STOX2: variants seen among roughly 807,000 people sequenced by gnomAD.
The protein encoded by STOX2 is storkhead box 2.
A neutral mutation model predicts 60.9 loss-of-function variants in STOX2; 28 were observed. That is an observed-to-expected ratio of 0.46 (90% CI 0.34 to 0.63). The LOEUF (loss-of-function observed/expected upper bound fraction) is 0.63, where lower values mean the gene tolerates loss of function less well. Ranked by LOEUF, STOX2 falls within the 30% of genes least tolerant of loss-of-function variation. The probability of loss-of-function intolerance (pLI) is 0.01; values close to 1 mark genes in which losing one functional copy is unlikely to be tolerated. For synonymous variants in STOX2, 472 were observed against 463.9 expected (o/e 1.02, Z -0.22); for missense variants, 1,024 against 1,187.7 (o/e 0.86, Z 2.03).
At chr4:183,894,627 G>A (rs113002493) in intron 1 of STOX2, among the ~76,000 whole-genome samples, 1 of 151,820 alleles carries the variant, frequency 6.6e-6, no homozygotes, top group African/African-American at 2.4e-5. Flanking sequence ...TTTGATATAT[G>A]ATTTTAATTG....
intron 1 of STOX2, among the ~76,000 whole-genome samples, chr4:183,817,834 T>C (rs911607156): frequency 6.6e-6 from 1 of 152,200 alleles, no homozygotes; most frequent in African/African-American, 2.4e-5. Flanking sequence ...GTGCCAGATA[T>C]ACTTTACAGA....
chr4:184,000,876 G>T lies in STOX2; in HGVS notation c.167-449G>T, dbSNP rs1465453163. ...AGGGCAGAGATGTTTGGGGAGAGGCGCGCACTCTGTCTCTGCAGCTCCCGT... is the reference window on the plus strand; with the variant it reads ...AGGGCAGAGATGTTTGGGGAGAGGCTCGCACTCTGTCTCTGCAGCTCCCGT... On this transcript the variant is annotated intron_variant, in intron 1 of 3. Coordinates refer to ENST00000308497, the MANE Select transcript of STOX2 (RefSeq NM_020225.3). Among the ~76,000 whole-genome samples, 2 of 152,202 alleles carry T rather than the reference G, an allele frequency of 1.3e-5. 1 individual carries two copies. Among genetic ancestry groups the T allele is most frequent in the East Asian group, 3.8e-4 (2 of 5,196 alleles).
chr4:183,995,289 G>GTTTTTTT (rs1467692938), intron 1 of STOX2, among the ~76,000 whole-genome samples: 1 of 75,984 alleles, frequency 1.3e-5, no homozygotes, highest in African/African-American at 6.1e-5. Flanking sequence ...CTTTATTTTA[G>GTTTTTTT]TCTTTTTTTT....
chr4:183,800,560 T>C (rs755601123), intron 1 of STOX2, among the ~76,000 whole-genome samples: 1 of 152,246 alleles, frequency 6.6e-6, no homozygotes, highest in Non-Finnish European at 1.5e-5. Context: ...CATTATTTCA[T>C]GCATATGAAA....
At chr4:183,839,055 A>G (rs1739785989) in intron 1 of STOX2, among the ~76,000 whole-genome samples, 1 of 152,036 alleles carries the variant, frequency 6.6e-6, no homozygotes. Flanking sequence ...ACATGCACAC[A>G]CACACACACA....
intron 1 of STOX2, among the ~76,000 whole-genome samples, chr4:183,917,063 C>A (rs558601655): frequency 6.6e-6 from 1 of 152,212 alleles, no homozygotes; most frequent in African/African-American, 2.4e-5. Flanking sequence ...TCGGGTCTGA[C>A]GTGGCTTTGT....
intron 1 of STOX2, among the ~76,000 whole-genome samples, chr4:183,823,685 C>T (rs546519610): frequency 1.3e-5 from 2 of 152,254 alleles, no homozygotes; most frequent in African/African-American, 4.8e-5. Context: ...GACACCAGTG[C>T]CTAAAGGGCT....
Position 184,011,098 on chromosome 4 carries a change from A to G in STOX2, c.2260A>G (p.Met754Val), listed in dbSNP as rs1162883698. The change falls in exon 3 of 4, where the codon ATG (methionine) becomes GTG (valine). Residue 754 changes from methionine to valine, a missense_variant. Physicochemically the swap from Met to Val is conservative, Grantham distance 21 (BLOSUM62 1). This residue lies in a region of STOX2 where 922 missense variants were observed against 1,058.3 expected (regional missense o/e 0.87). Coordinates refer to ENST00000308497, the MANE Select transcript of STOX2 (RefSeq NM_020225.3). The surrounding 1 kb of genome is among the most constrained non-coding windows in gnomAD (Gnocchi z 4.4). ...CCTGGGGACCTCGGCGGCACAAGCCATGCCTGCTTCCCAGCGTCAGCAGGA... is the reference window on the plus strand; with the variant it reads ...CCTGGGGACCTCGGCGGCACAAGCCGTGCCTGCTTCCCAGCGTCAGCAGGA... ...PSLGTSAAQA[M>V]PASQRQQESG... 3.1e-6 allele frequency: 5 copies of G among 1,594,842 alleles called. No individual in the cohort carries two copies. Among genetic ancestry groups the G allele is most frequent in the Non-Finnish European group, 4.3e-6 (5 of 1,171,640 alleles).
rs548990819 is a variant in STOX2, at chr4:183,921,115, T to G, written c.166+14159T>G. Reference sequence around the variant, plus strand: ...GTTGTTGTAAGAGTTAGACCGAACATTATTCTGAGGATAGCAGGAGGCTAG... The same window carrying G: ...GTTGTTGTAAGAGTTAGACCGAACAGTATTCTGAGGATAGCAGGAGGCTAG... On this transcript the variant is annotated intron_variant, in intron 1 of 3. Transcript: ENST00000308497. Among the ~76,000 whole-genome samples the G allele has an allele frequency of 3.9e-5, 6 of 152,298 alleles. No homozygotes were observed. In the South Asian group the frequency reaches 1.0e-3, roughly 26 times the overall value.
At chr4:183,950,683 G>T (rs919963913) in intron 1 of STOX2, among the ~76,000 whole-genome samples, 1 of 50 alleles carries the variant, frequency 0.02, no homozygotes, top group Non-Finnish European at 0.033. Context: ...TGAGGCCGGG[G>T]AGCCACAGAA....
chr4:183,955,377 T>A (rs1365415199), intron 1 of STOX2, among the ~76,000 whole-genome samples: 1 of 152,238 alleles, frequency 6.6e-6, no homozygotes, highest in Non-Finnish European at 1.5e-5. Context: ...GCATAGATTT[T>A]AAAAAATAGC....
chr4:183,860,442 C>CAAAAAAAAA (rs35753992), intron 1 of STOX2, among the ~76,000 whole-genome samples: 63 of 121,366 alleles, frequency 5.2e-4, no homozygotes, highest in Non-Finnish European at 6.3e-4. Flanking sequence ...AAACAAAAAA[C>CAAAAAAAAA]AAAAAAAAAA....
intron 1 of STOX2, among the ~76,000 whole-genome samples, chr4:183,841,187 T>A (rs566887064): frequency 6.8e-6 from 1 of 147,008 alleles, no homozygotes; most frequent in Non-Finnish European, 1.5e-5. Context: ...TAGTATTTAT[T>A]TATTTATTTA....
intron 1 of STOX2, among the ~76,000 whole-genome samples, chr4:183,921,915 T>C (rs1295665133): frequency 6.6e-6 from 1 of 152,228 alleles, no homozygotes; most frequent in African/African-American, 2.4e-5. Flanking sequence ...AAATATGATT[T>C]ATAGTTTCTC....
intron 1 of STOX2, among the ~76,000 whole-genome samples, chr4:183,841,110 T>C (rs1220977832): frequency 1.3e-5 from 2 of 152,164 alleles, no homozygotes; most frequent in African/African-American, 4.8e-5. Flanking sequence ...TCAAGTGATC[T>C]GCCCGCCCCG....
At chr4:183,811,412 C>T (rs147535873) in intron 1 of STOX2, among the ~76,000 whole-genome samples, 251 of 152,294 alleles carry the variant, frequency 1.6e-3, no homozygotes, top group Middle Eastern at 3.4e-3. Flanking sequence ...GATTTTCAGA[C>T]GTTACAAGCA....
At chr4:183,974,772 C>G (rs1348778765) in intron 1 of STOX2, among the ~76,000 whole-genome samples, 1 of 152,078 alleles carries the variant, frequency 6.6e-6, no homozygotes, top group African/African-American at 2.4e-5. Flanking sequence ...ACACAGCTCC[C>G]CCAATAATTG....
intron 1 of STOX2, among the ~76,000 whole-genome samples, chr4:183,831,218 A>G (rs890622701): frequency 2.6e-5 from 4 of 152,288 alleles, no homozygotes; most frequent in African/African-American, 4.8e-5. Context: ...AAGGCAGGAT[A>G]CAGTAGGTTA....
At position 183,856,376 on chromosome 4, in the gene STOX2, T is replaced by G. The variant is rs1249178298; in HGVS notation, c.364+58321T>G. Among the ~76,000 whole-genome samples the G allele has an allele frequency of 6.6e-6, 1 of 152,190 alleles. No individual in the cohort carries two copies. The highest frequency in any genetic ancestry group is 1.5e-5 in the Non-Finnish European group (1 of 68,034). On this transcript the variant is annotated intron_variant, in intron 1 of 2. Transcript: ENST00000513034. The surrounding 1 kb of genome is among the most constrained non-coding windows in gnomAD (Gnocchi z 4.0). The stretch of plus-strand genomic sequence containing the variant: ...AACAGACGCAAATACGCACAAACAG[T>G]TGCAAAGTGAACACTCGGATGAGTA...
Sources: gnomAD v4.1 joint callset for allele counts (sites outside exome capture counted in the v4.1 genomes callset) on GRCh38, gnomAD v4.1.1 for gene constraint, gnomAD v4.1.1 regional missense constraint, Gnocchi (gnomAD v3.1) non-coding constraint, MANE v1.5 for transcripts, NCBI Gene and HGNC (gene_info 2026-07-23, HGNC 2026-07-21) for gene names.